The following JCHAIN variants were observed in gnomAD, a reference collection of about 807,000 sequenced individuals.
JCHAIN encodes the protein joining chain of multimeric IgA and IgM, also known as immunoglobulin J chain.
Under a neutral mutation model 11.1 loss-of-function variants are expected in JCHAIN, and 5 were observed. The ratio of observed to expected loss-of-function variants is 0.45; its 90% CI spans 0.24 to 0.95. The LOEUF is 0.95. Ranked by LOEUF, JCHAIN falls within the 40% of genes least tolerant of loss-of-function variation. The probability of loss-of-function intolerance (pLI) is 0.21; values close to 1 mark genes in which losing one functional copy is unlikely to be tolerated. For synonymous variants in JCHAIN, 51 were observed against 67.8 expected, an observed-to-expected ratio of 0.75 and a Z score of 1.22; for missense variants, 165 against 192.7, an observed-to-expected ratio of 0.86 and a Z score of 0.85.
At chr4:70,662,666 A>G (rs962581227) in intron 1 of JCHAIN, among the ~76,000 whole-genome samples, 1 of 152,212 alleles carries the variant, frequency 6.6e-6, no homozygotes, top group African/African-American at 2.4e-5. Context: ...TATTTCTTAT[A>G]AGAATTATTT....
intron 2 of JCHAIN, among the ~76,000 whole-genome samples, chr4:70,660,093 T>C (rs1330113433): frequency 6.6e-6 from 1 of 152,146 alleles, no homozygotes; most frequent in Non-Finnish European, 1.5e-5. Context: ...GGTTTAAACG[T>C]AAGATAGACA....
chr4:70,664,727 A>G (rs1009566093), intron 1 of JCHAIN, among the ~76,000 whole-genome samples: 3 of 152,208 alleles, frequency 2.0e-5, no homozygotes, highest in Non-Finnish European at 4.4e-5. Flanking sequence ...TTTTTTCTCA[A>G]TGAAATATAA....
intron 1 of JCHAIN, among the ~76,000 whole-genome samples, chr4:70,663,086 G>GA (rs371826943): frequency 4.6e-4 from 70 of 151,012 alleles, no homozygotes; most frequent in Middle Eastern, 3.4e-3. Context: ...CCTGTATACA[G>GA]AAAAAAAAAT....
At position 70,657,222 on chromosome 4, in the gene JCHAIN, A is replaced by G. The variant is rs769745995; in HGVS notation, c.258T>C (p.His86=). The stretch of plus-strand genomic sequence containing the variant: ...AAAATATATCTTACAGGTCAGACAA[A>G]TGGTACACAAATCTGGTTCTCAATG... The part of the protein sequence containing the change: ...TSPLRTRFVY[H]LSDLCKKCDP... Residue 86 remains histidine, a synonymous_variant, in exon 3 of 4, where the codon CAT becomes CAC. Coordinates refer to ENST00000254801, the MANE Select transcript of JCHAIN (RefSeq NM_144646.4). 2.5e-6 allele frequency: 4 copies of G among 1,586,066 alleles called. No individual in the cohort carries two copies. Among genetic ancestry groups the G allele is most frequent in the African/African-American group, 1.3e-5 (1 of 74,308 alleles).
intron 2 of JCHAIN, among the ~76,000 whole-genome samples, chr4:70,660,674 G>A (rs902307976): frequency 6.6e-5 from 10 of 152,040 alleles, no homozygotes; most frequent in East Asian, 1.9e-4. Flanking sequence ...ATGAGCCACC[G>A]TGCCCAGCCC....
intron 2 of JCHAIN, among the ~76,000 whole-genome samples, chr4:70,660,932 C>G (rs950034641): frequency 3.3e-5 from 5 of 152,092 alleles, no homozygotes; most frequent in South Asian, 2.1e-4. Flanking sequence ...GGAATATTCT[C>G]TATTTATTTT....
At chr4:70,660,604 A>G (rs895902971) in intron 2 of JCHAIN, among the ~76,000 whole-genome samples, 1 of 152,000 alleles carries the variant, frequency 6.6e-6, no homozygotes, top group Non-Finnish European at 1.5e-5. Context: ...GGCTCGTCTC[A>G]AACTCCTAAC....
At position 70,656,531 on chromosome 4, in the gene JCHAIN, T is replaced by A. The variant is rs776788987; in HGVS notation, c.278A>T (p.Lys93Ile). The change falls in exon 4 of 4, where the codon AAA becomes ATA. Residue 93 changes from lysine to isoleucine, a missense_variant. Transcript: ENST00000254801. ...FVYHLSDLCK[K>I]CDPTEVELDN... is the part of the protein sequence containing the mutation. ...CAGCTCCACTTCTGTAGGATCACATTTTTTACAGCTGAAAAGCAAATATAT... is the reference window on the plus strand; with the variant it reads ...CAGCTCCACTTCTGTAGGATCACATATTTTACAGCTGAAAAGCAAATATAT... 3 of 1,611,798 alleles carry A rather than the reference T, an allele frequency of 1.9e-6. No homozygotes were observed. In the South Asian group the frequency reaches 3.3e-5, roughly 18 times the overall value.
chr4:70,660,427 C>T lies in JCHAIN; in HGVS notation c.188+1665G>A, dbSNP rs77748230. ...GAAAGTCTCGCTCTTGTCCCCCAGG[C>T]TGGAGTGCAGCAATGGCATGATCTT... On this transcript the variant is annotated intron_variant, in intron 2 of 3. Coordinates refer to ENST00000254801, the MANE Select transcript of JCHAIN (RefSeq NM_144646.4). 8.9e-3 allele frequency among the ~76,000 whole-genome samples: 1,309 copies of T among 146,874 alleles called. 15 individuals carry two copies. Among genetic ancestry groups the T allele is most frequent in the African/African-American group, 0.031 (1,206 of 39,424 alleles).
At chr4:70,665,074 GTTAAA>G (rs1182129716) in intron 1 of JCHAIN, among the ~76,000 whole-genome samples, 1 of 152,130 alleles carries the variant, frequency 6.6e-6, no homozygotes, top group African/African-American at 2.4e-5. Context: ...ATAAATATTT[GTTAAA>G]TTTAATTCAC....
intron 2 of JCHAIN, among the ~76,000 whole-genome samples, chr4:70,657,596 C>T (rs1387068723): frequency 3.9e-5 from 6 of 152,112 alleles, no homozygotes; most frequent in Non-Finnish European, 5.9e-5. Context: ...TTGATGTTAT[C>T]CCCACCCTTC....
Position 70,662,135 on chromosome 4 carries a change from C to CGGAAGAACGGATGATCCT in JCHAIN, c.127_144dup (p.Arg43_Ser48dup). The CGGAAGAACGGATGATCCT allele has an allele frequency of 1.2e-6, 2 of 1,613,556 alleles. No individual in the cohort carries two copies. The highest frequency in any genetic ancestry group is 1.7e-6 in the Non-Finnish European group (2 of 1,179,526). On this transcript the variant is annotated inframe_insertion, in exon 2 of 4. Coordinates refer to ENST00000254801, the MANE Select transcript of JCHAIN (RefSeq NM_144646.4). ...TCCACAATGTCCTCATTAGGATCTT[C>CGGAAGAACGGATGATCCT]GGAAGAACGGATGATCCTGGAAGTA...
rs35627461 is a variant in JCHAIN, at chr4:70,659,549, CAAAAAAAAAAAAAA to C, written c.189-2272_189-2259del. ...TGGGCAACAGAGTGAGACTCTGTCT[CAAAAAAAAAAAAAA>C]AAAAAAAAAAAAAAAAAGCCAGGCA... is the stretch of plus-strand genomic sequence containing the variant. On this transcript the variant is annotated intron_variant, in intron 2 of 3. Coordinates refer to ENST00000254801, the MANE Select transcript of JCHAIN (RefSeq NM_144646.4). Among the ~76,000 whole-genome samples the C allele has an allele frequency of 4.9e-3, 81 of 16,556 alleles. 1 individual carries two copies. Among genetic ancestry groups the C allele is most frequent in the African/African-American group, 0.02 (72 of 3,632 alleles). 10.9% of individuals were successfully genotyped at this position (16,556 alleles called of 152,430 possible). A position where few individuals can be genotyped will look rare whatever the true frequency, so the allele number is the denominator to read the frequency against.
At chr4:70,665,961 T>G (rs1049971700) in intron 1 of JCHAIN, 1 of 239,626 alleles carries the variant, frequency 4.2e-6, no homozygotes, top group African/African-American at 2.3e-5. Context: ...CTGTATAACA[T>G]TAAACATTGT....
chr4:70,662,071 G>A (rs1477743823), intron 2 of JCHAIN, 21 bp downstream of exon 2: 1 of 1,611,286 alleles, frequency 6.2e-7, no homozygotes, highest in African/African-American at 1.3e-5. Flanking sequence ...AGGAAAAAAA[G>A]GAATATGGAA....
At chr4:70,658,968 C>G (rs1739004885) in intron 2 of JCHAIN, among the ~76,000 whole-genome samples, 1 of 152,146 alleles carries the variant, frequency 6.6e-6, no homozygotes. Context: ...CCACCACCAA[C>G]CCTTAATATT....
At chr4:70,659,273 G>A (rs528858756) in intron 2 of JCHAIN, among the ~76,000 whole-genome samples, 2 of 151,992 alleles carry the variant, frequency 1.3e-5, no homozygotes, top group Admixed American at 6.6e-5. Flanking sequence ...TGGCAGGCTC[G>A]GCATGGTGGC....
intron 2 of JCHAIN, among the ~76,000 whole-genome samples, chr4:70,657,723 G>C (rs1382287209): frequency 6.6e-6 from 1 of 152,018 alleles, no homozygotes; most frequent in Admixed American, 6.6e-5. Context: ...TAAGTTCCTT[G>C]AGGCAAAAAC....
intron 2 of JCHAIN, among the ~76,000 whole-genome samples, chr4:70,658,738 AT>A (rs1313160009): frequency 6.6e-6 from 1 of 152,050 alleles, no homozygotes; most frequent in East Asian, 1.9e-4. Flanking sequence ...CCCACCACTT[AT>A]TCCAAGCACC....
Sources: allele counts gnomAD v4.1 joint callset (sites outside exome capture counted in the v4.1 genomes callset), GRCh38; gene constraint gnomAD v4.1.1; transcripts MANE v1.5; gene names NCBI Gene and HGNC (gene_info 2026-07-23, HGNC 2026-07-21).